Variants in RYR2 observed in about 807,000 individuals in gnomAD.
RYR2 encodes cardiac muscle ryanodine receptor-calcium release channel.
In RYR2, 227 loss-of-function variants were observed where a neutral mutation model predicts 601.1. The observed-to-expected ratio is 0.38, with a 90% CI of 0.34 to 0.42. The LOEUF (loss-of-function observed/expected upper bound fraction) is 0.42. RYR2 is among the 10% of genes least tolerant of loss of function. The pLI is 1.00. For missense variants in RYR2, 4,646 were observed against 6,156.5 expected (o/e 0.75, Z 8.21); for synonymous variants, 2,223 against 2,175.1 (o/e 1.02, Z -0.61).
At chr1:237,628,201 C>A in intron 41 of RYR2, 121 bp downstream of exon 41, 3 of 1,144,164 alleles carry the variant, frequency 2.6e-6, no homozygotes, top group Non-Finnish European at 2.4e-6. Flanking sequence ...GATTATTATA[C>A]TAAATAGCTT....
At chr1:237,345,665 T>A (rs1698241897) in intron 3 of RYR2, among the ~76,000 whole-genome samples, 1 of 152,084 alleles carries the variant, frequency 6.6e-6, no homozygotes, top group South Asian at 2.1e-4. Context: ...TCTTTCCTTA[T>A]ATTTATTGTG....
chr1:237,441,572 G>T, intron 13 of RYR2, 89 bp downstream of exon 13: 1 of 1,253,364 alleles, frequency 8.0e-7, no homozygotes, highest in Admixed American at 2.7e-5. Context: ...GATCTTTTTA[G>T]TCACCTGCAA....
At chr1:237,556,207 C>T (rs935976348) in intron 27 of RYR2, among the ~76,000 whole-genome samples, 2 of 151,638 alleles carry the variant, frequency 1.3e-5, no homozygotes, top group Admixed American at 1.3e-4. Context: ...AGAAAAGGAG[C>T]TTATATTTAT....
chr1:237,350,644 CTGAG>C (rs1698758234), intron 3 of RYR2, among the ~76,000 whole-genome samples: 1 of 114,030 alleles, frequency 8.8e-6, no homozygotes, highest in Admixed American at 1.0e-4. Context: ...TCTCTGACCT[CTGAG>C]AAAGAATTTA....
intron 101 of RYR2, among the ~76,000 whole-genome samples, chr1:237,827,855 T>C (rs1309337390): frequency 1.5e-5 from 2 of 135,748 alleles, no homozygotes; most frequent in African/African-American, 2.7e-5. Context: ...GAGAATGGCA[T>C]GAACCCGGGA....
chr1:237,641,463 GTCTGTCTGTCTTTCTT>G (rs1380887069), intron 47 of RYR2, among the ~76,000 whole-genome samples: 62 of 55,262 alleles, frequency 1.1e-3, no homozygotes, highest in Non-Finnish European at 2.2e-3. Flanking sequence ...ATAAATTAGT[GTCTGTCTGTCTTTCTT>G]TCTTTCTTTC....
intron 88 of RYR2, 120 bp from the exon 89 acceptor site, chr1:237,781,443 CCA>C (rs1296199340): frequency 2.6e-5 from 15 of 586,296 alleles, no homozygotes; most frequent in Non-Finnish European, 6.2e-6. Flanking sequence ...TCCTTTAGTT[CCA>C]TAATGCTTCA....
At chr1:237,240,174 G>T (rs1170575950) in intron 1 of RYR2, among the ~76,000 whole-genome samples, 1 of 152,164 alleles carries the variant, frequency 6.6e-6, no homozygotes, top group Non-Finnish European at 1.5e-5. Context: ...ATGTGAGGTT[G>T]CCGTCGTCTA....
chr1:237,829,731 G>T (rs1485191973), intron 102 of RYR2, among the ~76,000 whole-genome samples: 3 of 152,082 alleles, frequency 2.0e-5, no homozygotes, highest in Non-Finnish European at 4.4e-5. Context: ...AAAATACAGG[G>T]TCTCATAAAC....
rs1410259461 is a variant in RYR2, at chr1:237,348,812, G to C, written c.274-7153G>C. Among the ~76,000 whole-genome samples the C allele has an allele frequency of 2.6e-5, 4 of 152,126 alleles. No homozygotes were observed. The South Asian group carries it at 6.2e-4, about 24-fold the overall frequency. On this transcript the variant is annotated intron_variant, in intron 3 of 104. Coordinates refer to ENST00000366574, the MANE Select transcript of RYR2 (RefSeq NM_001035.3). The stretch of plus-strand genomic sequence containing the variant: ...AGTCACAGACCTTAAAACAATTGGG[G>C]AATCTACAATGAAAAAAATCAAATG...
chr1:237,304,670 A>G (rs1156638065), intron 2 of RYR2, among the ~76,000 whole-genome samples: 3 of 152,250 alleles, frequency 2.0e-5, no homozygotes, highest in African/African-American at 4.8e-5. Context: ...TTATATATGT[A>G]TTAATCTTAC....
At chr1:237,284,920 A>G (rs1239628646) in intron 2 of RYR2, among the ~76,000 whole-genome samples, 1 of 151,898 alleles carries the variant, frequency 6.6e-6, no homozygotes, top group Non-Finnish European at 1.5e-5. Context: ...CAGTTCTAGG[A>G]GTTTTCTGGA....
chr1:237,829,530 AG>A (rs1663536603), intron 102 of RYR2, among the ~76,000 whole-genome samples: 1 of 152,198 alleles, frequency 6.6e-6, no homozygotes, highest in Non-Finnish European at 1.5e-5. Context: ...GAGGAAGAAC[AG>A]GTTCATCGGT....
At chr1:237,559,465 C>T (rs528396982) in intron 27 of RYR2, among the ~76,000 whole-genome samples, 2 of 152,154 alleles carry the variant, frequency 1.3e-5, no homozygotes, top group East Asian at 1.9e-4. Flanking sequence ...AGGCTGGTCT[C>T]GAACTCCTGA....
At chr1:237,828,618 G>A (rs1216669974) in intron 102 of RYR2, among the ~76,000 whole-genome samples, 173 bp downstream of exon 102, 4 of 152,172 alleles carry the variant, frequency 2.6e-5, no homozygotes, top group Admixed American at 6.5e-5. Flanking sequence ...CTGCGTGGTC[G>A]GCTGAAATTG....
At chr1:237,347,704 C>G (rs1698420542) in intron 3 of RYR2, among the ~76,000 whole-genome samples, 1 of 151,900 alleles carries the variant, frequency 6.6e-6, no homozygotes, top group South Asian at 2.1e-4. Context: ...GGAAATACTA[C>G]CTAGAAATAG....
intron 10 of RYR2, among the ~76,000 whole-genome samples, chr1:237,396,934 A>G (rs368080361): frequency 9.0e-4 from 137 of 152,342 alleles, no homozygotes; most frequent in African/African-American, 2.9e-3. Flanking sequence ...TTGGGATCAT[A>G]GAGTTCTTAA....
chr1:237,324,409 A>C (rs1048362535), intron 2 of RYR2, among the ~76,000 whole-genome samples: 3 of 152,160 alleles, frequency 2.0e-5, no homozygotes, highest in African/African-American at 7.2e-5. Flanking sequence ...CCTGAAGGCC[A>C]CACAGCAGAT....
At chr1:237,140,479 C>A (rs1457921144) in intron 1 of RYR2, among the ~76,000 whole-genome samples, 3 of 152,142 alleles carry the variant, frequency 2.0e-5, no homozygotes, top group East Asian at 3.9e-4. Context: ...CACTGATGCC[C>A]CAATTGGGGG....
Sources: allele counts gnomAD v4.1 joint callset (sites outside exome capture counted in the v4.1 genomes callset), GRCh38; gene constraint gnomAD v4.1.1; transcripts MANE v1.5; gene names NCBI Gene and HGNC (gene_info 2026-07-23, HGNC 2026-07-21).